The following BICDL1 variants were observed in gnomAD, a reference collection of about 807,000 sequenced individuals.
BICDL1 encodes BICD family-like cargo adapter 1.
In BICDL1, 20 loss-of-function variants were observed where a neutral mutation model predicts 76.8. The observed-to-expected ratio is 0.26, with a 90% CI of 0.18 to 0.38. BICDL1 has a LOEUF of 0.38. Among genes scored for constraint, BICDL1 ranks in the 10% least tolerant of loss-of-function variants. The pLI, the probability that BICDL1 is intolerant of heterozygous loss-of-function variation, is 1.00. For missense variants in BICDL1, 700 were observed against 798.6 expected (o/e 0.88, Z 1.49); for synonymous variants, 383 against 337.1 (o/e 1.14, Z -1.49).
chr12:119,996,303 A>C (rs1451905916), intron 1 of BICDL1, among the ~76,000 whole-genome samples: 4 of 152,088 alleles, frequency 2.6e-5, no homozygotes, highest in Admixed American at 2.6e-4. Context: ...AATCATGGTA[A>C]ATTTTCATCT....
At chr12:120,012,485 C>G (rs1009336710) in intron 2 of BICDL1, among the ~76,000 whole-genome samples, 3 of 152,194 alleles carry the variant, frequency 2.0e-5, no homozygotes, top group African/African-American at 7.2e-5. Flanking sequence ...TGCTAGGTTA[C>G]GGCTTTTCAC....
intron 1 of BICDL1, among the ~76,000 whole-genome samples, chr12:119,995,934 C>G (rs986941434): frequency 1.3e-5 from 2 of 150,584 alleles, no homozygotes; most frequent in African/African-American, 4.9e-5. Flanking sequence ...TGCAGTGAGC[C>G]GAGATCATGC....
chr12:120,019,421 T>C lies in BICDL1; in HGVS notation c.645+20685T>C, dbSNP rs1321415421. 4.6e-5 allele frequency among the ~76,000 whole-genome samples: 7 copies of C among 152,212 alleles called. No homozygotes were observed. The East Asian group carries it at 1.3e-3, about 29-fold the overall frequency. ...AAGGACTATGAAGTTAGAGATTGTA[T>C]TTTAGAGTCATTTATATTTCCATTG... On this transcript the variant is annotated intron_variant, in intron 2 of 9. Transcript: ENST00000548673.
At chr12:120,080,446 T>C (rs1409632488) in intron 7 of BICDL1, among the ~76,000 whole-genome samples, 1 of 152,146 alleles carries the variant, frequency 6.6e-6, no homozygotes, top group Non-Finnish European at 1.5e-5. Context: ...ACTCCAGCTT[T>C]GGAATCATCC....
chr12:120,026,127 C>G (rs535107660), intron 2 of BICDL1, among the ~76,000 whole-genome samples: 1 of 152,120 alleles, frequency 6.6e-6, no homozygotes, highest in East Asian at 1.9e-4. Flanking sequence ...CATGAACCAC[C>G]GTGCCCGACG....
intron 2 of BICDL1, among the ~76,000 whole-genome samples, chr12:120,008,114 T>TCCTG (rs952924676): frequency 1.3e-5 from 2 of 151,928 alleles, no homozygotes; most frequent in African/African-American, 4.8e-5. Context: ...CTGATCCCAT[T>TCCTG]CCTGCCTGTG....
chr12:120,007,586 C>T (rs535968385), intron 2 of BICDL1, among the ~76,000 whole-genome samples: 1 of 152,282 alleles, frequency 6.6e-6, no homozygotes, highest in South Asian at 2.1e-4. Context: ...AGCTGTTTTC[C>T]TCAGTCAGCC....
intron 2 of BICDL1, among the ~76,000 whole-genome samples, chr12:120,056,317 A>T (rs1243046015): frequency 6.6e-6 from 1 of 152,220 alleles, no homozygotes; most frequent in East Asian, 1.9e-4. Context: ...CTATGATTTC[A>T]AATGTTTTTT....
At chr12:119,990,552 C>T (rs1431674411) in intron 1 of BICDL1, among the ~76,000 whole-genome samples, 1 of 152,180 alleles carries the variant, frequency 6.6e-6, no homozygotes, top group Non-Finnish European at 1.5e-5. Context: ...CGTACTGTAC[C>T]CAGCATCTAA....
At chr12:120,088,676 T>C (rs1355998132) in intron 8 of BICDL1, among the ~76,000 whole-genome samples, 1 of 145,240 alleles carries the variant, frequency 6.9e-6, no homozygotes, top group Non-Finnish European at 1.5e-5. Flanking sequence ...GGGGTTTTTT[T>C]GTTTTTTTGA....
At chr12:119,991,255 C>T (rs1018143133) in intron 1 of BICDL1, among the ~76,000 whole-genome samples, 1 of 152,202 alleles carries the variant, frequency 6.6e-6, no homozygotes, top group African/African-American at 2.4e-5. Context: ...TCTTTTCATT[C>T]TTAGTTACAG....
At chr12:120,008,278 C>T (rs542732079) in intron 2 of BICDL1, among the ~76,000 whole-genome samples, 1 of 151,676 alleles carries the variant, frequency 6.6e-6, no homozygotes, top group South Asian at 2.1e-4. Context: ...CCCACCTCAG[C>T]CTCCCAGGTG....
rs910790031 is a variant in BICDL1, at chr12:120,092,701, G to A, written c.1705-299G>A. On this transcript the variant is annotated intron_variant, in intron 9 of 9. Coordinates refer to ENST00000548673, the MANE Select transcript of BICDL1 (RefSeq NM_001367886.1). ...AGAGCAGGTGGAGTGCTAGTGTGGA[G>A]ACTGCAGGGAGAGACCACCCGAGCC... The A allele has an allele frequency of 3.0e-6, 3 of 985,458 alleles. No homozygotes were observed. The South Asian group carries it at 1.4e-4, about 46-fold the overall frequency. The allele number at this position is 985,458 out of a possible 1,614,324, so 61.0% of individuals were successfully genotyped here.
chr12:120,012,790 G>A (rs2138672659), intron 2 of BICDL1, among the ~76,000 whole-genome samples: 1 of 152,216 alleles, frequency 6.6e-6, no homozygotes, highest in Non-Finnish European at 1.5e-5. Flanking sequence ...GAAGGGAAAG[G>A]AAGGGGAAAG....
In BICDL1 at chr12:120,071,012, G is replaced by C. The variant is rs1007815240; in HGVS notation, c.910-610G>C. Among the ~76,000 whole-genome samples, 2 of 152,116 alleles carry C rather than the reference G, an allele frequency of 1.3e-5. No individual in the cohort carries two copies. Among genetic ancestry groups the C allele is most frequent in the Non-Finnish European group, 2.9e-5 (2 of 68,022 alleles). ...TCCAAAATGCTGGTGTTACAGGCGT[G>C]AGCCACCACGCCCGGCCTGGTTGGT... On this transcript the variant is annotated intron_variant, in intron 4 of 9. Coordinates refer to ENST00000548673, the MANE Select transcript of BICDL1 (RefSeq NM_001367886.1). This position sits in a 1 kb window ranked among gnomAD's most constrained non-coding sequence, Gnocchi z 4.8.
intron 2 of BICDL1, among the ~76,000 whole-genome samples, chr12:120,016,104 G>C (rs1414124186): frequency 6.6e-6 from 1 of 152,106 alleles, no homozygotes; most frequent in African/African-American, 2.4e-5. Context: ...TCTGTTTTCT[G>C]TCTGTATTGA....
chr12:120,016,891 T>C (rs1208734057), intron 2 of BICDL1, among the ~76,000 whole-genome samples: 3 of 152,200 alleles, frequency 2.0e-5, no homozygotes, highest in African/African-American at 7.2e-5. Flanking sequence ...TTTATTTTAC[T>C]TTATTTTATT....
In BICDL1 at chr12:120,071,731, C is replaced by G. The variant is rs770175350; in HGVS notation, c.1019C>G (p.Thr340Ser). ...EERSLQSSAA[T>S]STSLLSEIEQ... is the part of the protein sequence containing the mutation. ...AGGAGTCTGCAGAGCTCTGCCGCCA[C>G]CAGCACATCCCTCCTGTCAGAGATC... is the stretch of plus-strand genomic sequence containing the variant. The change falls in exon 5 of 10, where the codon ACC (threonine) becomes AGC (serine). Residue 340 changes from threonine to serine, a missense_variant. This residue lies in a region of BICDL1 where 455 missense variants were observed against 548.7 expected (regional missense o/e 0.83). Coordinates refer to ENST00000548673, the MANE Select transcript of BICDL1 (RefSeq NM_001367886.1). The surrounding 1 kb of genome is among the most constrained non-coding windows in gnomAD (Gnocchi z 4.8). The G allele has an allele frequency of 4.3e-6, 7 of 1,612,282 alleles. No homozygotes were observed. The African/African-American group carries it at 9.3e-5, about 22-fold the overall frequency.
In BICDL1 at chr12:120,072,831, A is replaced by G. The variant is rs765765873; in HGVS notation, c.1308+102A>G. 1.4e-5 allele frequency: 13 copies of G among 936,576 alleles called. No individual in the cohort carries two copies. In the African/African-American group the frequency reaches 1.5e-4, roughly 11 times the overall value. The allele number at this position is 936,576 out of a possible 1,614,324, so 58.0% of individuals were successfully genotyped here. A position where few individuals can be genotyped will look rare whatever the true frequency, so the allele number is the denominator to read the frequency against. ...AGGTCAGCCATGGAACTGGAACCCT[A>G]TAAAATATCTGCAAGAATTCTTCTG... On this transcript the variant is annotated intron_variant, in intron 6 of 9. Transcript: ENST00000548673.
Sources: allele counts gnomAD v4.1 joint callset (sites outside exome capture counted in the v4.1 genomes callset), GRCh38; gene constraint gnomAD v4.1.1; regional missense constraint gnomAD v4.1.1; non-coding constraint Gnocchi (gnomAD v3.1); transcripts MANE v1.5; gene names NCBI Gene and HGNC (gene_info 2026-07-23, HGNC 2026-07-21).